Variants in NRG3 observed in about 807,000 individuals in gnomAD.
NRG3 encodes the protein neuregulin 3, also known as pro-neuregulin-3, membrane-bound isoform.
A neutral mutation model predicts 66.9 loss-of-function variants in NRG3; 31 were observed. That is an observed-to-expected ratio of 0.46 (90% CI 0.35 to 0.63). The LOEUF (loss-of-function observed/expected upper bound fraction) is 0.63, where lower values mean the gene tolerates loss of function less well. NRG3 is among the 20% of genes least tolerant of loss of function. The pLI is 0.00. For missense variants in NRG3, 910 were observed against 878.9 expected (o/e 1.04, Z -0.45); for synonymous variants, 393 against 359.4 (o/e 1.09, Z -1.06).
chr10:82,688,130 G>A (rs1051888728), intron 2 of NRG3, among the ~76,000 whole-genome samples: 2 of 152,272 alleles, frequency 1.3e-5, no homozygotes, highest in Non-Finnish European at 2.9e-5. Context: ...ATAAGATACA[G>A]GTAAAATATA....
At chr10:82,586,515 A>G (rs1456815793) in intron 2 of NRG3, among the ~76,000 whole-genome samples, 1 of 152,226 alleles carries the variant, frequency 6.6e-6, no homozygotes, top group Non-Finnish European at 1.5e-5. Flanking sequence ...ATCATGAAAT[A>G]TTAAGCAAAA....
intron 2 of NRG3, among the ~76,000 whole-genome samples, chr10:82,494,913 A>G (rs773419340): frequency 9.2e-5 from 14 of 151,814 alleles, no homozygotes; most frequent in Non-Finnish European, 1.6e-4. Flanking sequence ...AGACACCGTG[A>G]TAGGCTGATC....
At chr10:82,870,366 A>G (rs763845343) in intron 4 of NRG3, among the ~76,000 whole-genome samples, 3 of 152,188 alleles carry the variant, frequency 2.0e-5, no homozygotes, top group African/African-American at 7.2e-5. Context: ...CCAACTTTTG[A>G]CAATTATGGA....
At chr10:81,969,689 A>G (rs2059855622) in intron 1 of NRG3, among the ~76,000 whole-genome samples, 1 of 152,180 alleles carries the variant, frequency 6.6e-6, no homozygotes, top group Admixed American at 6.5e-5. Context: ...TACTAGAAAA[A>G]GTAAATCATT....
intron 1 of NRG3, among the ~76,000 whole-genome samples, chr10:82,149,799 A>T (rs1353020032): frequency 1.3e-5 from 2 of 151,680 alleles, no homozygotes; most frequent in Non-Finnish European, 1.5e-5. Context: ...TGTTTCACAC[A>T]CTGTCTTGGT....
At chr10:82,426,103 G>A (rs1413883254) in intron 2 of NRG3, among the ~76,000 whole-genome samples, 2 of 152,046 alleles carry the variant, frequency 1.3e-5, no homozygotes, top group South Asian at 2.1e-4. Context: ...CTAGCCTTTC[G>A]GCTCAGGTAG....
chr10:82,933,349 T>C (rs1847766978), intron 4 of NRG3, among the ~76,000 whole-genome samples: 1 of 152,178 alleles, frequency 6.6e-6, no homozygotes, highest in African/African-American at 2.4e-5. Flanking sequence ...GAAAGAAGTA[T>C]GGTTGTACCT....
intron 4 of NRG3, among the ~76,000 whole-genome samples, chr10:82,916,392 T>C (rs1332599550): frequency 1.3e-5 from 2 of 152,088 alleles, no homozygotes; most frequent in African/African-American, 4.8e-5. Flanking sequence ...GTCAAGGTTG[T>C]AGTGAGCCAT....
chr10:82,452,466 A>G (rs2091062670), intron 2 of NRG3, among the ~76,000 whole-genome samples: 1 of 152,210 alleles, frequency 6.6e-6, no homozygotes, highest in Non-Finnish European at 1.5e-5. Context: ...TCTGTTATCC[A>G]TAGCTTGTAG....
chr10:82,451,498 C>G (rs2091015615), intron 2 of NRG3, among the ~76,000 whole-genome samples: 1 of 152,074 alleles, frequency 6.6e-6, no homozygotes, highest in South Asian at 2.1e-4. Context: ...AGAAATTTAG[C>G]AAAACCCAGG....
intron 3 of NRG3, among the ~76,000 whole-genome samples, chr10:82,745,562 C>A (rs2058606858): frequency 6.6e-6 from 1 of 152,026 alleles, no homozygotes; most frequent in African/African-American, 2.4e-5. Flanking sequence ...TCTGGCTTGC[C>A]ATGAGAAGGA....
chr10:82,308,113 T>A (rs2134915657), intron 1 of NRG3, among the ~76,000 whole-genome samples: 1 of 152,216 alleles, frequency 6.6e-6, no homozygotes, highest in Admixed American at 6.5e-5. Context: ...AAACAAGAAG[T>A]ATAGTTTTTG....
At position 82,850,557 on chromosome 10, in the gene NRG3, A is replaced by G. The variant is rs117076145; in HGVS notation, c.1028-14854A>G. On this transcript the variant is annotated intron_variant, in intron 3 of 8. Transcript: ENST00000372141. ...TCAAACTGAATTGACACCAAATAAA[A>G]TATCAAATGCTGGTAGCAAGAATGA... is the stretch of plus-strand genomic sequence containing the variant. Among the ~76,000 whole-genome samples, 5 of 152,328 alleles carry G rather than the reference A, an allele frequency of 3.3e-5. No homozygotes were observed. The East Asian group carries it at 9.6e-4, about 29-fold the overall frequency.
intron 1 of NRG3, among the ~76,000 whole-genome samples, chr10:82,290,302 A>C (rs1158787727): frequency 1.3e-5 from 2 of 152,228 alleles, no homozygotes; most frequent in African/African-American, 2.4e-5. Context: ...AATTTCAGCA[A>C]TAACAGTTTA....
chr10:82,223,117 A>G (rs991440420), intron 1 of NRG3, among the ~76,000 whole-genome samples: 1 of 152,140 alleles, frequency 6.6e-6, no homozygotes, highest in Non-Finnish European at 1.5e-5. Context: ...AACCCGAAAC[A>G]ATTCTTTCAG....
chr10:81,890,164 G>C (rs1842907111), intron 1 of NRG3, among the ~76,000 whole-genome samples: 1 of 152,170 alleles, frequency 6.6e-6, no homozygotes, highest in South Asian at 2.1e-4. Flanking sequence ...GGTGCCTTCT[G>C]ACAGGCTTTC....
intron 4 of NRG3, among the ~76,000 whole-genome samples, chr10:82,903,410 C>A (rs984422988): frequency 1.3e-5 from 2 of 152,068 alleles, no homozygotes; most frequent in Non-Finnish European, 2.9e-5. Flanking sequence ...TTAAACCTTG[C>A]ATAACACCAT....
rs183314013 is a variant in NRG3 at position 82,417,391 on chromosome 10, A to G, written c.953+58523A>G. 5.3e-5 allele frequency among the ~76,000 whole-genome samples: 8 copies of G among 152,328 alleles called. No individual in the cohort carries two copies. The East Asian group carries it at 1.5e-3, about 29-fold the overall frequency. ...GATATAGATTCCAGGGGAATTATGTATGAAGAAGGAGCATAGTGAAACTTA... is the reference window on the plus strand; with the variant it reads ...GATATAGATTCCAGGGGAATTATGTGTGAAGAAGGAGCATAGTGAAACTTA... On this transcript the variant is annotated intron_variant, in intron 2 of 8. Coordinates refer to ENST00000372141, the MANE Select transcript of NRG3 (RefSeq NM_001010848.4).
chr10:82,273,341 A>C (rs1398140912), intron 1 of NRG3, among the ~76,000 whole-genome samples: 1 of 152,036 alleles, frequency 6.6e-6, no homozygotes, highest in Non-Finnish European at 1.5e-5. Flanking sequence ...CTGTGTATCT[A>C]GTGCCAGAAA....
Sources: gnomAD v4.1 joint callset for allele counts (sites outside exome capture counted in the v4.1 genomes callset) on GRCh38, gnomAD v4.1.1 for gene constraint, MANE v1.5 for transcripts, NCBI Gene and HGNC (gene_info 2026-07-23, HGNC 2026-07-21) for gene names.